Variants in DPH5 observed in about 807,000 individuals in gnomAD.
DPH5 encodes diphthamide biosynthesis 5, also known as diphthine methyl ester synthase.
DPH5 carries 31 observed loss-of-function variants against 31.6 expected under a neutral mutation model. That is an observed-to-expected ratio of 0.98 (90% CI 0.74 to 1.32). The LOEUF is 1.32. Ranked by LOEUF, DPH5 falls within the 40% of genes most tolerant of loss-of-function variation. The pLI is 0.00. For synonymous variants in DPH5, 120 were observed against 115.0 expected, an observed-to-expected ratio of 1.04 and a Z score of -0.28; for missense variants, 309 against 335.7, an observed-to-expected ratio of 0.92 and a Z score of 0.62.
intron 6 of DPH5, among the ~76,000 whole-genome samples, chr1:100,994,074 T>C (rs1186130255): frequency 6.6e-6 from 1 of 152,102 alleles, no homozygotes; most frequent in Non-Finnish European, 1.5e-5. Flanking sequence ...TTTTAATTAA[T>C]CCAAAATGTT....
At position 100,990,651 on chromosome 1, in the gene DPH5, C is replaced by T; in HGVS notation, c.635-20G>A. The T allele has an allele frequency of 6.2e-7, 1 of 1,603,884 alleles. No homozygotes were observed. Among genetic ancestry groups the T allele is most frequent in the Non-Finnish European group, 8.5e-7 (1 of 1,171,200 alleles). ...TAACTGCTATTAAAAAAAAAAGATACTGCTATTCAATTCAGCAAATGCATC... is the reference window on the plus strand; with the variant it reads ...TAACTGCTATTAAAAAAAAAAGATATTGCTATTCAATTCAGCAAATGCATC... On this transcript the variant is annotated intron_variant, in intron 7 of 7. Transcript: ENST00000370109.
At chr1:100,997,266 TG>T (rs1169175456) in intron 5 of DPH5, among the ~76,000 whole-genome samples, 1 of 152,244 alleles carries the variant, frequency 6.6e-6, no homozygotes, top group Non-Finnish European at 1.5e-5. Context: ...TAACTCTACA[TG>T]GGGCATAGGG....
chr1:100,994,471 G>A (rs1033100852), intron 6 of DPH5, among the ~76,000 whole-genome samples: 3 of 151,718 alleles, frequency 2.0e-5, no homozygotes, highest in Non-Finnish European at 4.4e-5. Context: ...AAGAAAATAA[G>A]GCTCAGAGAT....
intron 5 of DPH5, among the ~76,000 whole-genome samples, chr1:100,997,692 G>A (rs1658489191): frequency 6.6e-6 from 1 of 152,072 alleles, no homozygotes; most frequent in African/African-American, 2.4e-5. Context: ...TGGATATATG[G>A]GGAGGTTATC....
intron 2 of DPH5, among the ~76,000 whole-genome samples, chr1:101,024,180 G>A (rs186805734): frequency 3.7e-4 from 56 of 152,302 alleles, no homozygotes; most frequent in African/African-American, 1.3e-3. Context: ...AGGCCGAGGT[G>A]GGCAGATCAC....
chr1:101,021,780 C>T lies in DPH5; in HGVS notation c.136-15G>A, dbSNP rs776250198. The T allele has an allele frequency of 2.5e-6, 4 of 1,588,580 alleles. No individual in the cohort carries two copies. The highest frequency in any genetic ancestry group is 3.4e-6 in the Non-Finnish European group (4 of 1,165,232). ...TAAAACTCTTCCTACAGATATAAGT[C>T]CAATATCAAGATAAAGAGACAGCAG... On this transcript the variant is annotated splice_polypyrimidine_tract_variant and intron_variant, in intron 2 of 7. Coordinates refer to ENST00000370109, the MANE Select transcript of DPH5 (RefSeq NM_015958.3).
chr1:100,995,889 C>T (rs1658306365), intron 5 of DPH5: 1 of 152,162 alleles, frequency 6.6e-6, no homozygotes, highest in African/African-American at 2.4e-5. Flanking sequence ...GCTTTACATG[C>T]TGAAAACAAA....
At chr1:101,022,121 A>G (rs1031481536) in intron 2 of DPH5, among the ~76,000 whole-genome samples, 14 of 152,250 alleles carry the variant, frequency 9.2e-5, no homozygotes, top group African/African-American at 3.4e-4. Flanking sequence ...CTTCAGAAAC[A>G]TGATGTAATA....
At chr1:100,990,759 A>T (rs1225740759) in intron 7 of DPH5, 128 bp from the exon 8 acceptor site, 2 of 813,060 alleles carry the variant, frequency 2.5e-6, no homozygotes, top group South Asian at 1.8e-5. Context: ...TTTGCCACTT[A>T]TGGACCAGTT....
At chr1:100,999,490 A>C (rs976051972) in intron 5 of DPH5, among the ~76,000 whole-genome samples, 1 of 152,096 alleles carries the variant, frequency 6.6e-6, no homozygotes, top group Non-Finnish European at 1.5e-5. Context: ...TTGTTGCTTA[A>C]AATTAAATAT....
In DPH5 at chr1:100,990,306, T is replaced by C. The variant is rs1008216055; in HGVS notation, c.*102A>G. 9.3e-7 allele frequency: 1 copy of C among 1,074,780 alleles called. No individual in the cohort carries two copies. The highest frequency in any genetic ancestry group is 1.6e-5 in the African/African-American group (1 of 64,400). The allele number at this position is 1,074,780 out of a possible 1,614,324, so 66.6% of individuals were successfully genotyped here. On this transcript the variant is annotated 3_prime_UTR_variant, in exon 8 of 8. Transcript: ENST00000370109. ...TACCTACCACAACACCTGGGAATTA[T>C]GAGGATTAAAATTCAAGATGAGACT...
chr1:100,992,925 AT>A (rs1391969752), intron 6 of DPH5, among the ~76,000 whole-genome samples, 185 bp from the exon 7 acceptor site: 1 of 152,182 alleles, frequency 6.6e-6, no homozygotes, highest in Non-Finnish European at 1.5e-5. Context: ...AAGCTTTTTC[AT>A]TGTTCTAATT....
At chr1:101,002,548 C>T (rs567994685) in intron 4 of DPH5, among the ~76,000 whole-genome samples, 1 of 152,168 alleles carries the variant, frequency 6.6e-6, no homozygotes, top group South Asian at 2.1e-4. Context: ...TTTTCAAAGA[C>T]AATATAAAAC....
intron 4 of DPH5, among the ~76,000 whole-genome samples, chr1:101,013,184 A>G (rs1659824886): frequency 6.6e-6 from 1 of 152,258 alleles, no homozygotes; most frequent in Non-Finnish European, 1.5e-5. Context: ...TATAAATGAT[A>G]GTAGCTAAGA....
chr1:100,990,849 C>G (rs1337765468), intron 7 of DPH5, among the ~76,000 whole-genome samples: 1 of 152,208 alleles, frequency 6.6e-6, no homozygotes, highest in Non-Finnish European at 1.5e-5. Flanking sequence ...TTTACCCTTT[C>G]AGAATTACAA....
chr1:101,001,700 G>A (rs1306905529), intron 4 of DPH5, 113 bp from the exon 5 acceptor site: 15 of 844,704 alleles, frequency 1.8e-5, no homozygotes, highest in Non-Finnish European at 2.5e-5. Flanking sequence ...AACTCGAAAT[G>A]GGTTGGGGAT....
At chr1:101,023,067 C>G (rs1170260602) in intron 2 of DPH5, 1 of 152,322 alleles carries the variant, frequency 6.6e-6, no homozygotes, top group African/African-American at 2.4e-5. Flanking sequence ...ATGGCACACG[C>G]CTGTAATCCC....
At chr1:101,007,987 A>C (rs1659360292) in intron 4 of DPH5, among the ~76,000 whole-genome samples, 1 of 152,204 alleles carries the variant, frequency 6.6e-6, no homozygotes, top group Non-Finnish European at 1.5e-5. Flanking sequence ...GAATTTAAAA[A>C]CATGATTTTA....
At chr1:101,001,322 G>C in intron 5 of DPH5, 145 bp downstream of exon 5, 1 of 683,356 alleles carries the variant, frequency 1.5e-6, no homozygotes, top group Non-Finnish European at 2.3e-6. Context: ...CTAAGAGCAT[G>C]GGAAAGAGTG....
Sources: gnomAD v4.1 joint callset for allele counts (sites outside exome capture counted in the v4.1 genomes callset) on GRCh38, gnomAD v4.1.1 for gene constraint, MANE v1.5 for transcripts, NCBI Gene and HGNC (gene_info 2026-07-23, HGNC 2026-07-21) for gene names.